Variants in UBE4B observed in about 807,000 individuals in gnomAD.
The protein encoded by UBE4B is ubiquitination factor E4B, also known as ubiquitin conjugation factor E4 B.
Under a neutral mutation model 148.1 loss-of-function variants are expected in UBE4B, and 27 were observed. The ratio of observed to expected loss-of-function variants is 0.18; its 90% CI spans 0.13 to 0.25. The LOEUF (loss-of-function observed/expected upper bound fraction) is 0.25, where lower values mean the gene tolerates loss of function less well. Ranked by LOEUF, UBE4B falls within the 10% of genes least tolerant of loss-of-function variation. The pLI, the probability that UBE4B is intolerant of heterozygous loss-of-function variation, is 1.00. For missense variants in UBE4B, 1,170 were observed against 1,662.4 expected, an observed-to-expected ratio of 0.70 and a Z score of 5.15; for synonymous variants, 596 against 619.3, an observed-to-expected ratio of 0.96 and a Z score of 0.56.
intron 20 of UBE4B, among the ~76,000 whole-genome samples, chr1:10,150,515 A>T (rs6700518): frequency 0.05 from 7,541 of 152,308 alleles, 483 homozygotes; most frequent in East Asian, 0.19. Context: ...TTAATATAAC[A>T]TGCTACAGCC....
intron 20 of UBE4B, 68 bp from the exon 21 acceptor site, chr1:10,151,258 T>C: frequency 1.4e-6 from 2 of 1,472,988 alleles, no homozygotes; most frequent in Non-Finnish European, 1.9e-6. Context: ...GACACCAGCC[T>C]TCACCCAAGA....
At chr1:10,097,323 A>G (rs2101878145) in intron 3 of UBE4B, among the ~76,000 whole-genome samples, 1 of 152,166 alleles carries the variant, frequency 6.6e-6, no homozygotes, top group South Asian at 2.1e-4. Flanking sequence ...TTAAAATTGT[A>G]GTGAATGCAG....
intron 4 of UBE4B, among the ~76,000 whole-genome samples, chr1:10,102,666 C>T (rs539403409): frequency 1.2e-4 from 19 of 152,110 alleles, no homozygotes; most frequent in African/African-American, 4.3e-4. Flanking sequence ...TGGCCTCGGC[C>T]TTCCAGAATG....
Position 10,119,591 on chromosome 1 carries a change from C to G in UBE4B, c.1417C>G (p.Gln473Glu). The G allele has an allele frequency of 1.2e-6, 2 of 1,613,332 alleles. No individual in the cohort carries two copies. Among genetic ancestry groups the G allele is most frequent in the Non-Finnish European group, 1.7e-6 (2 of 1,179,446 alleles). The change falls in exon 9 of 28, where the codon CAA becomes GAA. Residue 473 changes from glutamine (Q) to glutamate (E), a missense_variant. Physicochemically the swap from Gln to Glu is conservative, Grantham distance 29. Transcript: ENST00000343090. ...QCISHTALVL[Q>E]GSLTQPRSLQ... ...CATATCCCATACTGCTTTAGTACTACAAGGCTCCCTAACACAGCCCAGGTA... is the reference window on the plus strand; with the variant it reads ...CATATCCCATACTGCTTTAGTACTAGAAGGCTCCCTAACACAGCCCAGGTA...
chr1:10,054,783 C>CTT (rs1249879519), intron 1 of UBE4B: 3,930 of 125,474 alleles, frequency 0.031, 105 homozygotes, highest in East Asian at 0.064. Context: ...TATCTTTCTC[C>CTT]TTTTTTTTTT....
intron 5 of UBE4B, among the ~76,000 whole-genome samples, chr1:10,104,510 G>A (rs928639704): frequency 6.6e-6 from 1 of 152,082 alleles, no homozygotes; most frequent in African/African-American, 2.4e-5. Context: ...ATGGATGCGT[G>A]AATATCAAGG....
chr1:10,111,064 C>T (rs1645210869), intron 7 of UBE4B, among the ~76,000 whole-genome samples: 1 of 148,056 alleles, frequency 6.8e-6, no homozygotes, highest in Non-Finnish European at 1.5e-5. Flanking sequence ...CACACACACA[C>T]ACACACACAC....
At chr1:10,153,490 T>TAAAAAAAAAAAAAAA (rs1045427991) in intron 21 of UBE4B, among the ~76,000 whole-genome samples, 2 of 49,216 alleles carry the variant, frequency 4.1e-5, no homozygotes, top group African/African-American at 1.7e-4. Flanking sequence ...ACCCTGTTTC[T>TAAAAAAAAAAAAAAA]AAAAAAAAAA....
rs1645118084 is a variant in UBE4B, at chr1:10,106,696, T to A, written c.1196+113T>A. ...GACTCTGTTAAATTGTTGTTTTGGG[T>A]TATTAACCTGTGTGGCTAACTAGTT... On this transcript the variant is annotated intron_variant, in intron 7 of 27. Coordinates refer to ENST00000343090, the MANE Select transcript of UBE4B (RefSeq NM_001105562.3). The surrounding 1 kb of genome is among the most constrained non-coding windows in gnomAD (Gnocchi z 4.2). 7.3e-7 allele frequency: 1 copy of A among 1,367,408 alleles called. No homozygotes were observed. The highest frequency in any genetic ancestry group is 9.6e-7 in the Non-Finnish European group (1 of 1,044,318). The allele number at this position is 1,367,408 out of a possible 1,614,324, so 84.7% of individuals were successfully genotyped here.
intron 7 of UBE4B, among the ~76,000 whole-genome samples, chr1:10,108,707 A>G (rs1645164025): frequency 6.6e-6 from 1 of 152,220 alleles, no homozygotes; most frequent in African/African-American, 2.4e-5. Flanking sequence ...ATGTTGATGC[A>G]AGGTTGAATA....
chr1:10,133,981 T>C (rs900187564), intron 15 of UBE4B, among the ~76,000 whole-genome samples: 1 of 151,466 alleles, frequency 6.6e-6, no homozygotes, highest in African/African-American at 2.4e-5. Context: ...GCCCGGGAGG[T>C]TGAGGCTGCA....
intron 10 of UBE4B, among the ~76,000 whole-genome samples, chr1:10,122,813 TC>T (rs1645432037): frequency 6.6e-6 from 1 of 152,202 alleles, no homozygotes; most frequent in African/African-American, 2.4e-5. Context: ...TATCATCACT[TC>T]CTTTTTTGTG....
intron 1 of UBE4B, among the ~76,000 whole-genome samples, chr1:10,046,289 G>A (rs1244189252): frequency 1.3e-5 from 2 of 152,186 alleles, no homozygotes; most frequent in African/African-American, 4.8e-5. Flanking sequence ...GAAAGGGAGA[G>A]CAGTCTATGC....
Position 10,095,558 on chromosome 1 carries a change from C to T in UBE4B, c.309C>T (p.Ser103=). The stretch of plus-strand genomic sequence containing the variant: ...CGCAATCTCAGTCTCTCTCACGTTC[C>T]CAGAGCATGGATATCGATGGTGTCT... The part of the protein sequence containing the change: ...LETQSQSLSR[S]QSMDIDGVSC... The change falls in exon 3 of 28, where the codon TCC becomes TCT. Residue 103 remains serine (S), a synonymous_variant. Transcript: ENST00000343090. 1 of 1,614,066 alleles carries T rather than the reference C, an allele frequency of 6.2e-7. No homozygotes were observed. The highest frequency in any genetic ancestry group is 8.5e-7 in the Non-Finnish European group (1 of 1,180,012).
rs1439868227 is a variant in UBE4B, at chr1:10,180,004, G to A, written c.*48G>A. 3 of 1,609,644 alleles carry A rather than the reference G, an allele frequency of 1.9e-6. No individual in the cohort carries two copies. The highest frequency in any genetic ancestry group is 1.7e-6 in the Non-Finnish European group (2 of 1,178,038). On this transcript the variant is annotated 3_prime_UTR_variant, in exon 28 of 28. Coordinates refer to ENST00000343090, the MANE Select transcript of UBE4B (RefSeq NM_001105562.3). ...GCTAGACACAGCCAAGGCCAACGAG[G>A]CAAGCAGAAGCAGCGGCCGCAGCGA...
At position 10,103,089 on chromosome 1, in the gene UBE4B, G is replaced by A. The variant is rs1557554402; in HGVS notation, c.577G>A (p.Glu193Lys). The A allele has an allele frequency of 1.9e-6, 3 of 1,602,244 alleles. No homozygotes were observed. Among genetic ancestry groups the A allele is most frequent in the Admixed American group, 3.4e-5 (2 of 59,652 alleles). Reference sequence around the variant, plus strand: ...TGCACAGTTTAAGCAGAACCCAAAAGAAGGTAGGAATCTAGCTCAGCAGTC... The same window carrying A: ...TGCACAGTTTAAGCAGAACCCAAAAAAAGGTAGGAATCTAGCTCAGCAGTC... ...LSAQFKQNPK[E>K]VFSDFKDLIG... Residue 193 changes from glutamate (E) to lysine (K), a missense_variant, in exon 5 of 28, where the codon GAA becomes AAA. Physicochemically the swap from Glu to Lys is moderately conservative, Grantham distance 56. Around this residue, in one of 6 missense-constraint regions of UBE4B, gnomAD observed 91 missense variants for 120.5 expected, o/e 0.76. Coordinates refer to ENST00000343090, the MANE Select transcript of UBE4B (RefSeq NM_001105562.3).
intron 3 of UBE4B, among the ~76,000 whole-genome samples, chr1:10,096,230 AG>A (rs1644926420): frequency 6.6e-6 from 1 of 152,182 alleles, no homozygotes; most frequent in Non-Finnish European, 1.5e-5. Context: ...TATTTCATAC[AG>A]GTAAGCCAAA....
intron 6 of UBE4B, 29 bp downstream of exon 6, chr1:10,105,773 C>T: frequency 6.2e-7 from 1 of 1,600,096 alleles, no homozygotes; most frequent in Middle Eastern, 1.7e-4. Context: ...GCACATCTTA[C>T]TGGTAGTAAA....
intron 1 of UBE4B, chr1:10,054,533 G>T: frequency 2.9e-6 from 1 of 342,646 alleles, no homozygotes; most frequent in Non-Finnish European, 5.6e-6. Flanking sequence ...CTTTCTCTTT[G>T]GCTTTCTTCT....
Sources: allele counts gnomAD v4.1 joint callset (sites outside exome capture counted in the v4.1 genomes callset), GRCh38; gene constraint gnomAD v4.1.1; regional missense constraint gnomAD v4.1.1; non-coding constraint Gnocchi (gnomAD v3.1); transcripts MANE v1.5; gene names NCBI Gene and HGNC (gene_info 2026-07-23, HGNC 2026-07-21).